Variants in CLEC3A observed in about 807,000 individuals in gnomAD.
The protein encoded by CLEC3A is C-type (calcium dependent, carbohydrate-recognition domain) lectin, superfamily member 1 (cartilage-derived).
CLEC3A carries 28 observed loss-of-function variants against 20.4 expected under a neutral mutation model. The observed-to-expected ratio is 1.37, with a 90% CI of 1.02 to 1.88. The LOEUF (loss-of-function observed/expected upper bound fraction) is 1.88. Among genes scored for constraint, CLEC3A ranks in the 40% most tolerant of loss-of-function variants. The pLI, the probability that CLEC3A is intolerant of heterozygous loss-of-function variation, is 0.00. For synonymous variants in CLEC3A, 110 were observed against 88.1 expected, an observed-to-expected ratio of 1.25 and a Z score of -1.39; for missense variants, 357 against 240.4, an observed-to-expected ratio of 1.48 and a Z score of -3.21.
intron 2 of CLEC3A, among the ~76,000 whole-genome samples, chr16:78,028,406 T>C (rs536184857): frequency 3.3e-5 from 5 of 152,312 alleles, no homozygotes; most frequent in Admixed American, 2.0e-4. Flanking sequence ...AAATAAGTAG[T>C]TCAGGAATAA....
At chr16:78,023,640 G>A (rs540504718) in intron 1 of CLEC3A, among the ~76,000 whole-genome samples, 59 of 152,082 alleles carry the variant, frequency 3.9e-4, no homozygotes, top group Non-Finnish European at 6.9e-4. Flanking sequence ...CAAGGTTACA[G>A]TCTATTTCAC....
At chr16:78,029,764 A>G (rs1205796718) in intron 2 of CLEC3A, among the ~76,000 whole-genome samples, 1 of 152,114 alleles carries the variant, frequency 6.6e-6, no homozygotes, top group South Asian at 2.1e-4. Flanking sequence ...AAGCATGTAT[A>G]TATCAGAACA....
chr16:78,028,185 A>G lies in CLEC3A; in HGVS notation c.194A>G (p.Gln65Arg), dbSNP rs760048709. ...GCCTTGAAGGAAATTCAAGCCCTGC[A>G]GACAGGTAAGGTGCAGACCTTCTCA... ...VNALKEIQAL[Q>R]TVCLRGTKVH... Residue 65 changes from glutamine (Q) to arginine (R), a missense_variant, in exon 2 of 3, where the codon CAG becomes CGG. Coordinates refer to ENST00000299642, the MANE Select transcript of CLEC3A (RefSeq NM_005752.6). 2 of 1,607,854 alleles carry G rather than the reference A, an allele frequency of 1.2e-6. No homozygotes were observed. The highest frequency in any genetic ancestry group is 1.7e-6 in the Non-Finnish European group (2 of 1,178,318).
At chr16:78,028,430 G>T (rs746648764) in intron 2 of CLEC3A, among the ~76,000 whole-genome samples, 4 of 152,178 alleles carry the variant, frequency 2.6e-5, no homozygotes, top group Non-Finnish European at 4.4e-5. Context: ...TGAAAAGTCA[G>T]TCCATACTTA....
In CLEC3A at chr16:78,022,557, C is replaced by T. The variant is rs1222480693; in HGVS notation, c.-70C>T. On this transcript the variant is annotated 5_prime_UTR_variant, in exon 1 of 3. Transcript: ENST00000299642. ...CCAGGCATCCCAGAGCAAGATGTAG[C>T]TGTGTAGTCTCCTTCCATAGCTGCT... The T allele has an allele frequency of 1.9e-6, 3 of 1,577,164 alleles. No homozygotes were observed. Among genetic ancestry groups the T allele is most frequent in the Non-Finnish European group, 2.6e-6 (3 of 1,163,174 alleles).
intron 1 of CLEC3A, among the ~76,000 whole-genome samples, chr16:78,026,122 A>G (rs1597151654): frequency 6.6e-6 from 1 of 152,308 alleles, no homozygotes; most frequent in East Asian, 1.9e-4. Context: ...TCTTTAGGTT[A>G]TAGTATTTCT....
At chr16:78,029,212 A>C in intron 2 of CLEC3A, 1 of 445,352 alleles carries the variant, frequency 2.2e-6, no homozygotes, top group Non-Finnish European at 4.5e-6. Context: ...AAACCCAGGC[A>C]CTATGGGCTC....
intron 1 of CLEC3A, among the ~76,000 whole-genome samples, chr16:78,024,652 T>C (rs1243078092): frequency 2.0e-5 from 3 of 152,308 alleles, no homozygotes; most frequent in South Asian, 4.1e-4. Context: ...CAAGCAATTA[T>C]ATCCCCACCC....
intron 2 of CLEC3A, 45 bp from the exon 3 acceptor site, chr16:78,030,402 A>C: frequency 6.6e-7 from 1 of 1,524,114 alleles, no homozygotes; most frequent in African/African-American, 1.4e-5. Context: ...TAGTCATAAT[A>C]CACTCAAAAT....
chr16:78,031,056 G>T lies in CLEC3A; in HGVS notation c.*215G>T. On this transcript the variant is annotated 3_prime_UTR_variant, in exon 3 of 3. Transcript: ENST00000299642. ...TAGGGGATCAGAAATATTGATCCAT[G>T]TGCACGCAGATAAAATGGCTTCTGC... 1 of 524,358 alleles carries T rather than the reference G, an allele frequency of 1.9e-6. No individual in the cohort carries two copies. Among genetic ancestry groups the T allele is most frequent in the Non-Finnish European group, 3.3e-6 (1 of 301,848 alleles). The allele number at this position is 524,358 out of a possible 1,614,324, so 32.5% of individuals were successfully genotyped here. A position where few individuals can be genotyped will look rare whatever the true frequency, so the allele number is the denominator to read the frequency against.
At chr16:78,025,120 T>C (rs117993831) in intron 1 of CLEC3A, among the ~76,000 whole-genome samples, 1 of 152,034 alleles carries the variant, frequency 6.6e-6, no homozygotes, top group African/African-American at 2.4e-5. Flanking sequence ...ATTCCCAGAG[T>C]TTTTAAAATG....
At chr16:78,025,008 T>A (rs1320241344) in intron 1 of CLEC3A, among the ~76,000 whole-genome samples, 1 of 152,112 alleles carries the variant, frequency 6.6e-6, no homozygotes, top group African/African-American at 2.4e-5. Flanking sequence ...TGTACATACA[T>A]CTTTTTTAGT....
Position 78,022,816 on chromosome 16 carries a change from A to G in CLEC3A, c.115+75A>G, listed in dbSNP as rs968119806. ...GAGGTGCTGGACAATGTTAATTTTC[A>G]AACTCCTCCAGGAGACTATCTTCGG... On this transcript the variant is annotated intron_variant, in intron 1 of 2. Coordinates refer to ENST00000299642, the MANE Select transcript of CLEC3A (RefSeq NM_005752.6). 3 of 1,502,760 alleles carry G rather than the reference A, an allele frequency of 2.0e-6. No individual in the cohort carries two copies. In the African/African-American group the frequency reaches 4.2e-5, roughly 21 times the overall value. 93.1% of individuals were successfully genotyped at this position (1,502,760 alleles called of 1,614,324 possible).
In CLEC3A at chr16:78,030,955, C is replaced by T; in HGVS notation, c.*114C>T. Reference sequence around the variant, plus strand: ...TTATTAAAAAATTGCAACACAAGATCAATGTCCATAGCAATATGATAGCAT... The same window carrying T: ...TTATTAAAAAATTGCAACACAAGATTAATGTCCATAGCAATATGATAGCAT... On this transcript the variant is annotated 3_prime_UTR_variant, in exon 3 of 3. Coordinates refer to ENST00000299642, the MANE Select transcript of CLEC3A (RefSeq NM_005752.6). The T allele has an allele frequency of 4.2e-6, 5 of 1,199,790 alleles. No individual in the cohort carries two copies. Among genetic ancestry groups the T allele is most frequent in the Non-Finnish European group, 5.7e-6 (5 of 873,570 alleles). The allele number at this position is 1,199,790 out of a possible 1,614,324, so 74.3% of individuals were successfully genotyped here.
intron 1 of CLEC3A, 114 bp downstream of exon 1, chr16:78,022,855 C>A: frequency 9.3e-7 from 1 of 1,080,344 alleles, no homozygotes; most frequent in Non-Finnish European, 1.3e-6. Flanking sequence ...TGGCACCATG[C>A]CATCATCCCT....
intron 1 of CLEC3A, among the ~76,000 whole-genome samples, chr16:78,025,669 A>T (rs750141539): frequency 7.9e-5 from 12 of 152,218 alleles, no homozygotes; most frequent in Non-Finnish European, 1.3e-4. Context: ...CAAACACAAG[A>T]TCTCTCTGGT....
At chr16:78,023,382 C>G (rs1323787921) in intron 1 of CLEC3A, among the ~76,000 whole-genome samples, 1 of 152,104 alleles carries the variant, frequency 6.6e-6, no homozygotes, top group Non-Finnish European at 1.5e-5. Flanking sequence ...TGATGCAAAA[C>G]TGAATCTCCC....
intron 1 of CLEC3A, among the ~76,000 whole-genome samples, chr16:78,027,628 C>T (rs1220213942): frequency 6.6e-6 from 1 of 151,714 alleles, no homozygotes; most frequent in Non-Finnish European, 1.5e-5. Flanking sequence ...TTTTTTCCTT[C>T]CTTCTTTCCT....
In CLEC3A at chr16:78,030,682, C is replaced by T. The variant is rs757636173; in HGVS notation, c.435C>T (p.Asn145=). ...CGGAAGGCAAGTTTGTTGACGTCAA[C>T]GGAATCGCTATCTCCTTCCTCAACT... ...MVTEGKFVDV[N]GIAISFLNWD... is the part of the protein sequence containing the mutation. Residue 145 remains asparagine, a synonymous_variant, in exon 3 of 3, where the codon AAC becomes AAT. Transcript: ENST00000299642. 5.6e-6 allele frequency: 9 copies of T among 1,614,008 alleles called. No homozygotes were observed. Among genetic ancestry groups the T allele is most frequent in the Middle Eastern group, 1.6e-4 (1 of 6,084 alleles).
Sources: allele counts gnomAD v4.1 joint callset (sites outside exome capture counted in the v4.1 genomes callset), GRCh38; gene constraint gnomAD v4.1.1; transcripts MANE v1.5; gene names NCBI Gene and HGNC (gene_info 2026-07-23, HGNC 2026-07-21).